The following TBL1X variants were observed in gnomAD, a reference collection of about 807,000 sequenced individuals.
TBL1X encodes F-box-like/WD repeat-containing protein TBL1X.
Under a neutral mutation model 50.7 loss-of-function variants are expected in TBL1X, and 10 were observed. The observed-to-expected ratio is 0.20, with a 90% CI of 0.12 to 0.33. The LOEUF (loss-of-function observed/expected upper bound fraction) is 0.33, where lower values mean the gene tolerates loss of function less well. Among genes scored for constraint, TBL1X ranks in the 10% least tolerant of loss-of-function variants. The pLI is 1.00. For synonymous variants in TBL1X, 190 were observed against 214.7 expected, an observed-to-expected ratio of 0.88 and a Z score of 1.01; for missense variants, 340 against 504.4, an observed-to-expected ratio of 0.67 and a Z score of 3.12.
chrX:9,465,973 C>A (rs1355817139), intron 1 of TBL1X, among the ~76,000 whole-genome samples: 1 of 112,872 alleles, frequency 8.9e-6, no homozygotes, highest in African/African-American at 3.2e-5. Flanking sequence ...GTGGGGCAAG[C>A]GGCGGGCGAG....
chrX:9,479,937 A>AAT (rs1555956757), intron 1 of TBL1X, among the ~76,000 whole-genome samples: 6 of 37,894 alleles, frequency 1.6e-4, no homozygotes, highest in African/African-American at 4.6e-4. Flanking sequence ...AGGAAAGTAG[A>AAT]ATGTGTGTGT....
At chrX:9,646,756 G>A (rs1194000573) in intron 3 of TBL1X, among the ~76,000 whole-genome samples, 1 of 112,090 alleles carries the variant, frequency 8.9e-6, no homozygotes, top group African/African-American at 3.2e-5. Flanking sequence ...AGAAACCAAG[G>A]GCTGCTTTAG....
chrX:9,579,794 A>G (rs887067979), intron 2 of TBL1X, among the ~76,000 whole-genome samples: 6 of 111,071 alleles, frequency 5.4e-5, no homozygotes, highest in African/African-American at 1.6e-4. Context: ...AGCATGGAGC[A>G]CAGAGCCATT....
chrX:9,707,727 C>T lies in TBL1X; in HGVS notation c.1237-1521C>T, dbSNP rs2083217822. Among the ~76,000 whole-genome samples, 4 of 112,650 alleles carry T rather than the reference C, an allele frequency of 3.6e-5. No individual in the cohort carries two copies. In the Admixed American group the frequency reaches 3.7e-4, roughly 11 times the overall value. On this transcript the variant is annotated intron_variant, in intron 13 of 17. Transcript: ENST00000645353. ...GCCACCCTTGCTGGCCTTGCATACA[C>T]ATTCACACTCATAGACACCCATGCG...
At chrX:9,569,303 GTGTGTGTGGTGTGC>G (rs2147008435) in intron 2 of TBL1X, among the ~76,000 whole-genome samples, 1 of 87,713 alleles carries the variant, frequency 1.1e-5, no homozygotes, top group East Asian at 3.6e-4. Flanking sequence ...AATGTGTTGT[GTGTGTGTGGTGTGC>G]TGTGTGTGTT....
chrX:9,633,669 A>G (rs1227024189), intron 2 of TBL1X, among the ~76,000 whole-genome samples: 2 of 112,287 alleles, frequency 1.8e-5, no homozygotes, highest in Non-Finnish European at 3.8e-5. Context: ...TTTAGATTTC[A>G]AGCTTGCAGA....
intron 2 of TBL1X, among the ~76,000 whole-genome samples, chrX:9,565,751 A>C (rs1007665591): frequency 9.0e-5 from 10 of 111,405 alleles, no homozygotes; most frequent in African/African-American, 2.6e-4. Flanking sequence ...GGATCACTTG[A>C]GTCCTGGAGG....
At chrX:9,712,787 C>A (rs2083255548) in intron 16 of TBL1X, among the ~76,000 whole-genome samples, 1 of 111,729 alleles carries the variant, frequency 9.0e-6, no homozygotes, top group Non-Finnish European at 1.9e-5. Flanking sequence ...AGAAGAATTC[C>A]AGCTGTAAAG....
rs1195220864 is a variant in TBL1X, at chrX:9,489,553, A to G, written c.-200-12227A>G. Among the ~76,000 whole-genome samples the G allele has an allele frequency of 2.7e-5, 3 of 111,459 alleles. No homozygotes were observed. In the Admixed American group the frequency reaches 2.8e-4, roughly 11 times the overall value. ...GGAAGGCCTGGTCAGGTTCTGGGCT[A>G]GGCTTAGGGTTGAAATGATGTGTCT... On this transcript the variant is annotated intron_variant, in intron 1 of 17. Transcript: ENST00000645353.
intron 2 of TBL1X, among the ~76,000 whole-genome samples, chrX:9,604,967 C>T (rs1242206880): frequency 3.6e-5 from 4 of 111,353 alleles, no homozygotes; most frequent in African/African-American, 9.8e-5. Flanking sequence ...TTTCAAGACA[C>T]TGTGGCTCTT....
intron 7 of TBL1X, among the ~76,000 whole-genome samples, chrX:9,688,633 G>C (rs1273865130): frequency 8.9e-6 from 1 of 112,573 alleles, no homozygotes; most frequent in Non-Finnish European, 1.9e-5. Context: ...GCCAAATTAT[G>C]GTATAATTAT....
chrX:9,563,640 T>A (rs774086009), intron 2 of TBL1X, among the ~76,000 whole-genome samples: 6 of 112,528 alleles, frequency 5.3e-5, no homozygotes, highest in Non-Finnish European at 9.4e-5. Flanking sequence ...TTAAGTAAAA[T>A]GTAAAATTCA....
chrX:9,465,638 C>T (rs950722830), intron 1 of TBL1X, among the ~76,000 whole-genome samples, 191 bp downstream of exon 1: 9 of 112,740 alleles, frequency 8.0e-5, no homozygotes, highest in Non-Finnish European at 1.1e-4. Context: ...CGGCGCGCTC[C>T]CAGGAGCCTG....
intron 1 of TBL1X, among the ~76,000 whole-genome samples, chrX:9,466,760 G>A (rs1855207192): frequency 8.9e-6 from 1 of 112,094 alleles, no homozygotes; most frequent in Non-Finnish European, 1.9e-5. Flanking sequence ...GATGTAATTA[G>A]GAAAAATAAA....
At chrX:9,571,265 A>G (rs2082385164) in intron 2 of TBL1X, among the ~76,000 whole-genome samples, 1 of 111,778 alleles carries the variant, frequency 8.9e-6, no homozygotes, top group Non-Finnish European at 1.9e-5. Flanking sequence ...GGGCAAGCAG[A>G]GAGCTTGCAC....
intron 2 of TBL1X, among the ~76,000 whole-genome samples, chrX:9,595,346 A>C (rs778068905): frequency 8.9e-6 from 1 of 112,402 alleles, no homozygotes; most frequent in East Asian, 2.8e-4. Context: ...CTGGCCATCC[A>C]TCAGTCAGGT....
chrX:9,492,919 G>C (rs1425943636), intron 1 of TBL1X, among the ~76,000 whole-genome samples: 2 of 97,904 alleles, frequency 2.0e-5, no homozygotes, highest in African/African-American at 7.6e-5. Flanking sequence ...GGAATGGAAG[G>C]ATGAAACCAT....
chrX:9,686,159 CCTT>C (rs1290504528), intron 6 of TBL1X, among the ~76,000 whole-genome samples: 2 of 111,887 alleles, frequency 1.8e-5, no homozygotes, highest in Admixed American at 1.9e-4. Context: ...TCCACTGACT[CCTT>C]CTGGCCCTGT....
intron 2 of TBL1X, among the ~76,000 whole-genome samples, chrX:9,542,919 C>T (rs750180879): frequency 1.8e-5 from 2 of 112,201 alleles, no homozygotes; most frequent in Non-Finnish European, 3.8e-5. Context: ...GAATTGGCCT[C>T]GCAGTGGGGA....
Sources: allele counts gnomAD v4.1 joint callset (sites outside exome capture counted in the v4.1 genomes callset), GRCh38; gene constraint gnomAD v4.1.1; transcripts MANE v1.5; gene names NCBI Gene and HGNC (gene_info 2026-07-23, HGNC 2026-07-21).